The following UBE2U variants were observed in gnomAD, a reference collection of about 807,000 sequenced individuals.
The protein encoded by UBE2U is ubiquitin conjugating enzyme E2 U, also known as ubiquitin-conjugating enzyme E2 U.
A neutral mutation model predicts 41.2 loss-of-function variants in UBE2U; 39 were observed. The ratio of observed to expected loss-of-function variants is 0.95; its 90% CI spans 0.73 to 1.24. The LOEUF is 1.24. UBE2U is among the 50% of genes most tolerant of loss of function. The pLI, the probability that UBE2U is intolerant of heterozygous loss-of-function variation, is 0.00. For missense variants in UBE2U, 336 were observed against 363.1 expected (o/e 0.93, Z 0.61); for synonymous variants, 107 against 117.8 (o/e 0.91, Z 0.60).
chr1:64,244,238 A>T (rs1644883493), intron 8 of UBE2U: 5 of 1,517,804 alleles, frequency 3.3e-6, no homozygotes, highest in Non-Finnish European at 4.4e-6. Context: ...TTATCTGTTA[A>T]ATGGAGATAA....
chr1:64,261,382 T>C (rs552685869), intron 9 of UBE2U, among the ~76,000 whole-genome samples: 2 of 152,260 alleles, frequency 1.3e-5, no homozygotes, highest in East Asian at 1.9e-4. Flanking sequence ...TTCTTATGAC[T>C]AAGTGACTCC....
At chr1:64,214,968 C>T (rs760974669) in intron 5 of UBE2U, 36 bp downstream of exon 5, 46 of 1,546,478 alleles carry the variant, frequency 3.0e-5, no homozygotes, top group East Asian at 2.0e-4. Flanking sequence ...TGCAGTGGCT[C>T]ACGCCTGTAA....
rs990251874 is a variant in UBE2U at position 64,267,136 on chromosome 1, G to A, written c.882G>A (p.Glu294=). The A allele has an allele frequency of 1.2e-5, 18 of 1,549,878 alleles. No homozygotes were observed. The African/African-American group carries it at 1.8e-4, about 15-fold the overall frequency. ...CATTATATGAAAATGACACAGATGA[G>A]CCCAGGGAAGAGGAAGTGGAAGATC... ...DTSLYENDTD[E]PREEEVEDLI... The change falls in exon 10 of 10, where the codon GAG becomes GAA. Residue 294 remains glutamate, a synonymous_variant. Transcript: ENST00000371077.
At chr1:64,239,464 A>C (rs896510374) in intron 7 of UBE2U, among the ~76,000 whole-genome samples, 14 of 151,722 alleles carry the variant, frequency 9.2e-5, no homozygotes, top group African/African-American at 3.1e-4. Context: ...GGTGTGCTGC[A>C]CCCATTAACT....
chr1:64,215,460 T>C (rs1651942236), intron 5 of UBE2U: 1 of 153,002 alleles, frequency 6.5e-6, no homozygotes, highest in Non-Finnish European at 1.5e-5. Context: ...TCAAGCTCCG[T>C]ATCTTTAAAT....
chr1:64,253,530 C>T (rs1482159376), intron 8 of UBE2U, among the ~76,000 whole-genome samples: 2 of 151,950 alleles, frequency 1.3e-5, no homozygotes, highest in African/African-American at 2.4e-5. Flanking sequence ...GCCAAGGCAC[C>T]TGTAGGGAAG....
intron 7 of UBE2U, among the ~76,000 whole-genome samples, chr1:64,236,807 G>A (rs935605514): frequency 6.6e-5 from 10 of 152,160 alleles, no homozygotes; most frequent in Non-Finnish European, 1.2e-4. Flanking sequence ...TTAGATGCAA[G>A]AAGCAGTATC....
chr1:64,222,201 A>G (rs549878591), intron 6 of UBE2U, among the ~76,000 whole-genome samples: 57 of 152,162 alleles, frequency 3.7e-4, no homozygotes, highest in African/African-American at 1.3e-3. Flanking sequence ...CTAAGTTGGT[A>G]TTCAATAGAG....
intron 8 of UBE2U, among the ~76,000 whole-genome samples, chr1:64,258,919 C>A (rs933149192): frequency 6.6e-6 from 1 of 152,194 alleles, no homozygotes; most frequent in Admixed American, 6.5e-5. Context: ...AATGGTTGAA[C>A]TAGTTTACAC....
chr1:64,258,963 C>A (rs532047932), intron 8 of UBE2U, among the ~76,000 whole-genome samples: 1 of 152,324 alleles, frequency 6.6e-6, no homozygotes, highest in Non-Finnish European at 1.5e-5. Flanking sequence ...TTCTATTTCC[C>A]CACATCCTCT....
chr1:64,231,355 C>T (rs1452509752), intron 6 of UBE2U, among the ~76,000 whole-genome samples: 1 of 152,168 alleles, frequency 6.6e-6, no homozygotes, highest in Non-Finnish European at 1.5e-5. Flanking sequence ...AAATTGATCA[C>T]AAGCTTTTTC....
At chr1:64,245,078 C>G (rs1420370244) in intron 8 of UBE2U, among the ~76,000 whole-genome samples, 1 of 152,140 alleles carries the variant, frequency 6.6e-6, no homozygotes, top group Non-Finnish European at 1.5e-5. Flanking sequence ...ATATTTTATG[C>G]AAAATCTCTA....
At chr1:64,254,407 G>A (rs115601539) in intron 8 of UBE2U, among the ~76,000 whole-genome samples, 207 of 152,128 alleles carry the variant, frequency 1.4e-3, no homozygotes, top group Non-Finnish European at 2.6e-3. Context: ...GGGTCAGGTG[G>A]ACCTAATAGA....
At chr1:64,224,021 G>T (rs1652678959) in intron 6 of UBE2U, among the ~76,000 whole-genome samples, 1 of 152,132 alleles carries the variant, frequency 6.6e-6, no homozygotes. Context: ...AGAGGAAAGG[G>T]AGGGGAGGAT....
rs1210807464 is a variant in UBE2U at position 64,267,224 on chromosome 1, A to G, written c.*16A>G. On this transcript the variant is annotated 3_prime_UTR_variant, in exon 10 of 10. Transcript: ENST00000371077. ...AGAAGATTAAGCAGAACATTATCAG[A>G]TTCAAAAAATAAACAGCCTCCGCCA... 3.4e-6 allele frequency: 5 copies of G among 1,473,268 alleles called. No individual in the cohort carries two copies. The highest frequency in any genetic ancestry group is 4.5e-6 in the Non-Finnish European group (5 of 1,114,076). 91.3% of individuals were successfully genotyped at this position (1,473,268 alleles called of 1,614,324 possible). A position where few individuals can be genotyped will look rare whatever the true frequency, so the allele number is the denominator to read the frequency against.
chr1:64,220,026 T>G (rs1050836361), intron 5 of UBE2U, among the ~76,000 whole-genome samples: 6 of 152,252 alleles, frequency 3.9e-5, no homozygotes, highest in Non-Finnish European at 7.3e-5. Flanking sequence ...AGGATTGTTC[T>G]CTTTTATGGT....
At chr1:64,247,074 C>G (rs1908636) in intron 8 of UBE2U, among the ~76,000 whole-genome samples, 1,824 of 132,590 alleles carry the variant, frequency 0.014, 27 homozygotes, top group African/African-American at 0.046. Context: ...TGAAATTGCC[C>G]TTGAAGTCTC....
In UBE2U at chr1:64,267,287, G is replaced by A; in HGVS notation, c.*79G>A. On this transcript the variant is annotated 3_prime_UTR_variant, in exon 10 of 10. Transcript: ENST00000371077. Reference sequence around the variant, plus strand: ...GTGGAGCAATTTTGGAAGACTCTCAGAACTTGGATTTCATTTTTTTTAAGT... The same window carrying A: ...GTGGAGCAATTTTGGAAGACTCTCAAAACTTGGATTTCATTTTTTTTAAGT... The A allele has an allele frequency of 8.3e-7, 1 of 1,210,620 alleles. No homozygotes were observed. Among genetic ancestry groups the A allele is most frequent in the Non-Finnish European group, 1.1e-6 (1 of 906,522 alleles). 75.0% of individuals were successfully genotyped at this position (1,210,620 alleles called of 1,614,324 possible).
At chr1:64,266,338 C>T (rs1645254197) in intron 9 of UBE2U, among the ~76,000 whole-genome samples, 1 of 152,180 alleles carries the variant, frequency 6.6e-6, no homozygotes, top group Non-Finnish European at 1.5e-5. Context: ...TTTCTGTATA[C>T]TATAACATTG....
Sources: gnomAD v4.1 joint callset for allele counts (sites outside exome capture counted in the v4.1 genomes callset) on GRCh38, gnomAD v4.1.1 for gene constraint, MANE v1.5 for transcripts, NCBI Gene and HGNC (gene_info 2026-07-23, HGNC 2026-07-21) for gene names.